GALNT1: variants seen among roughly 807,000 people sequenced by gnomAD.
GALNT1 encodes GalNAc transferase 1.
A neutral mutation model predicts 65.7 loss-of-function variants in GALNT1; 17 were observed. The ratio of observed to expected loss-of-function variants is 0.26; its 90% CI spans 0.18 to 0.39. The LOEUF (loss-of-function observed/expected upper bound fraction) is 0.39, where lower values mean the gene tolerates loss of function less well. Among genes scored for constraint, GALNT1 ranks in the 10% least tolerant of loss-of-function variants. GALNT1 has a pLI of 1.00. For missense variants in GALNT1, 460 were observed against 672.8 expected (o/e 0.68, Z 3.50); for synonymous variants, 210 against 219.7 (o/e 0.96, Z 0.39).
At chr18:35,677,425 C>T (rs998625) in intron 3 of GALNT1, among the ~76,000 whole-genome samples, 166 bp from the exon 4 acceptor site, 1,659 of 152,098 alleles carry the variant, frequency 0.011, 23 homozygotes, top group African/African-American at 0.038. Flanking sequence ...TAAATAGGTG[C>T]TATTTATTAA....
intron 9 of GALNT1, among the ~76,000 whole-genome samples, chr18:35,694,297 T>C (rs547660488): frequency 3.4e-4 from 52 of 152,124 alleles, no homozygotes; most frequent in Admixed American, 1.2e-3. Flanking sequence ...CTTAAAGGGG[T>C]TTTTATTTCT....
intron 1 of GALNT1, among the ~76,000 whole-genome samples, chr18:35,641,299 T>G (rs2047159567): frequency 6.6e-6 from 1 of 152,006 alleles, no homozygotes; most frequent in African/African-American, 2.4e-5. Context: ...ATACAAAAAT[T>G]AGGCGGGCAT....
intron 1 of GALNT1, among the ~76,000 whole-genome samples, chr18:35,652,104 C>T (rs1233297127): frequency 6.6e-6 from 1 of 151,774 alleles, no homozygotes; most frequent in Non-Finnish European, 1.5e-5. Context: ...CACCAGATTT[C>T]TTCCTGGTAC....
At chr18:35,676,719 T>G (rs1172899396) in intron 3 of GALNT1, among the ~76,000 whole-genome samples, 1 of 152,130 alleles carries the variant, frequency 6.6e-6, no homozygotes, top group African/African-American at 2.4e-5. Flanking sequence ...TAATTATATA[T>G]GCACTGTTTA....
At chr18:35,648,055 GGAGGAAGT>G (rs1348190811) in intron 1 of GALNT1, among the ~76,000 whole-genome samples, 11 of 145,244 alleles carry the variant, frequency 7.6e-5, no homozygotes, top group African/African-American at 2.4e-4. Context: ...AAGAAGGAAG[GGAGGAAGT>G]GAGGAAGGGA....
rs8094100 is a variant in GALNT1, at chr18:35,630,637, A to G, written c.-103-23923A>G. 5.8e-3 allele frequency among the ~76,000 whole-genome samples: 882 copies of G among 152,332 alleles called. 6 individuals are homozygous for G. The highest frequency in any genetic ancestry group is 0.024 in the South Asian group (114 of 4,826). On this transcript the variant is annotated intron_variant, in intron 1 of 11. Transcript: ENST00000269195. ...AAATTGACACCGTAACATCACAATT[A>G]AAAGAACTAGAGAAGCAAGAGCAAA...
rs995769037 is a variant in GALNT1, at chr18:35,655,497, T to A, written c.139+696T>A. On this transcript the variant is annotated intron_variant, in intron 2 of 11. Transcript: ENST00000269195. ...ACAAATGTTGCCATTTTTTAAAAAA[T>A]TCTTTTTTTTTTTTTTTGTTTTTAA... Among the ~76,000 whole-genome samples the A allele has an allele frequency of 3.3e-4, 49 of 149,950 alleles. 1 individual carries two copies. Among genetic ancestry groups the A allele is most frequent in the African/African-American group, 1.2e-3 (49 of 40,786 alleles).
chr18:35,600,015 T>C lies in GALNT1; in HGVS notation c.-104+18153T>C, dbSNP rs115108902. On this transcript the variant is annotated intron_variant, in intron 1 of 11. Coordinates refer to ENST00000269195, the MANE Select transcript of GALNT1 (RefSeq NM_020474.4). Reference sequence around the variant, plus strand: ...GATTGCTATGGCTATTTGGGGTCTTTTGTGGTTCCAATTTAGGATCGTCTT... The same window carrying C: ...GATTGCTATGGCTATTTGGGGTCTTCTGTGGTTCCAATTTAGGATCGTCTT... Among the ~76,000 whole-genome samples, 920 of 152,334 alleles carry C rather than the reference T, an allele frequency of 6.0e-3. 9 individuals carry two copies. The highest frequency in any genetic ancestry group is 0.02 in the African/African-American group (846 of 41,578).
At chr18:35,621,493 GTTGT>G (rs1421443432) in intron 1 of GALNT1, among the ~76,000 whole-genome samples, 2 of 125,290 alleles carry the variant, frequency 1.6e-5, no homozygotes, top group Admixed American at 7.8e-5. Context: ...CAATTGGTCT[GTTGT>G]TTGTTTTGGT....
rs1474718353 is a variant in GALNT1, at chr18:35,694,415, C to G, written c.1299+2095C>G. On this transcript the variant is annotated intron_variant, in intron 9 of 11. Coordinates refer to ENST00000269195, the MANE Select transcript of GALNT1 (RefSeq NM_020474.4). ...ATTAGAATGGCCACTATCAAAAAAA[C>G]AGAGAATGACACATGTTGGCAAGGA... 2.6e-5 allele frequency among the ~76,000 whole-genome samples: 4 copies of G among 152,090 alleles called. 1 individual carries two copies. In the South Asian group the frequency reaches 8.3e-4, roughly 32 times the overall value.
At chr18:35,607,871 A>G (rs1298622831) in intron 1 of GALNT1, among the ~76,000 whole-genome samples, 1 of 152,148 alleles carries the variant, frequency 6.6e-6, no homozygotes, top group Non-Finnish European at 1.5e-5. Flanking sequence ...TCTTTATTCT[A>G]GTGGTCCATG....
chr18:35,691,110 G>T lies in GALNT1; in HGVS notation c.1077G>T (p.Gly359=). The change falls in exon 8 of 12, where the codon GGG becomes GGT. Residue 359 remains glycine, a synonymous_variant. Coordinates refer to ENST00000269195, the MANE Select transcript of GALNT1 (RefSeq NM_020474.4). ...CTTACACGTTTCCAGGAGGCACAGG[G>T]CAGATTATCAATAAAAATAACAGAC... ...ATPYTFPGGT[G]QIINKNNRRL... The T allele has an allele frequency of 6.2e-7, 1 of 1,613,224 alleles. No individual in the cohort carries two copies. Among genetic ancestry groups the T allele is most frequent in the Non-Finnish European group, 8.5e-7 (1 of 1,179,588 alleles).
intron 4 of GALNT1, among the ~76,000 whole-genome samples, chr18:35,682,408 A>G (rs1568031548): frequency 6.6e-6 from 1 of 152,108 alleles, no homozygotes. Context: ...TATGAGGATA[A>G]TCTCTCTAGG....
intron 1 of GALNT1, among the ~76,000 whole-genome samples, chr18:35,613,771 C>G (rs1484781060): frequency 6.6e-6 from 1 of 152,110 alleles, no homozygotes; most frequent in Non-Finnish European, 1.5e-5. Flanking sequence ...TTGCCTGTTT[C>G]AGCTTTTCAC....
chr18:35,649,769 T>G (rs965597937), intron 1 of GALNT1, among the ~76,000 whole-genome samples: 2 of 152,218 alleles, frequency 1.3e-5, no homozygotes, highest in Non-Finnish European at 2.9e-5. Flanking sequence ...GGGCCAATAT[T>G]TGTGTTTTTA....
intron 1 of GALNT1, among the ~76,000 whole-genome samples, chr18:35,611,753 C>CACATT (rs2046720047): frequency 6.6e-6 from 1 of 152,190 alleles, no homozygotes; most frequent in South Asian, 2.1e-4. Context: ...GCAGCACCAC[C>CACATT]ACCAGCTAAT....
intron 3 of GALNT1, among the ~76,000 whole-genome samples, chr18:35,674,491 G>A (rs1457884805): frequency 1.3e-5 from 2 of 152,100 alleles, no homozygotes; most frequent in Non-Finnish European, 2.9e-5. Context: ...CACTGGAACC[G>A]GGGAGGGAAG....
intron 1 of GALNT1, among the ~76,000 whole-genome samples, chr18:35,614,220 A>G (rs960569068): frequency 1.3e-5 from 2 of 152,202 alleles, no homozygotes; most frequent in Admixed American, 6.5e-5. Flanking sequence ...GGCAAGTTGA[A>G]TTCAGCAGTG....
chr18:35,663,236 G>T (rs1290916067), intron 2 of GALNT1, among the ~76,000 whole-genome samples: 1 of 152,206 alleles, frequency 6.6e-6, no homozygotes, highest in Admixed American at 6.5e-5. Context: ...ATGAAGTACT[G>T]TGGGATGGGA....
Sources: allele counts gnomAD v4.1 joint callset (sites outside exome capture counted in the v4.1 genomes callset), GRCh38; gene constraint gnomAD v4.1.1; transcripts MANE v1.5; gene names NCBI Gene and HGNC (gene_info 2026-07-23, HGNC 2026-07-21).